Variants in DPP6 observed in about 807,000 individuals in gnomAD.
DPP6 encodes dipeptidyl peptidase like 6, also known as A-type potassium channel modulatory protein DPP6.
A neutral mutation model predicts 122.6 loss-of-function variants in DPP6; 69 were observed. That is an observed-to-expected ratio of 0.56 (90% confidence interval 0.46 to 0.69). DPP6 has a LOEUF of 0.69. DPP6 is among the 30% of genes least tolerant of loss of function. The pLI, the probability that DPP6 is intolerant of heterozygous loss-of-function variation, is 0.00. For synonymous variants in DPP6, 418 were observed against 433.1 expected (o/e 0.97, Z 0.43); for missense variants, 928 against 1,116.9 (o/e 0.83, Z 2.41).
chr7:153,815,443 G>A, the DPP6 span, among the ~76,000 whole-genome samples: 1 of 152,036 alleles, frequency 6.6e-6, no homozygotes. Flanking sequence ...ATGTATACAT[G>A]TGCCATGTTG....
At chr7:153,775,701 T>C in the DPP6 span, among the ~76,000 whole-genome samples, 1 of 152,106 alleles carries the variant, frequency 6.6e-6, no homozygotes. Flanking sequence ...CCACAAAACA[T>C]GTTCTAGAAC....
chr7:154,230,385 A>C (rs1362625163), intron 1 of DPP6, among the ~76,000 whole-genome samples: 1 of 152,214 alleles, frequency 6.6e-6, no homozygotes, highest in Non-Finnish European at 1.5e-5. Flanking sequence ...ATTAGAGATG[A>C]GTTTCTCTTG....
At chr7:154,396,686 C>A (rs778170803) in intron 1 of DPP6, among the ~76,000 whole-genome samples, 1 of 152,200 alleles carries the variant, frequency 6.6e-6, no homozygotes, top group Non-Finnish European at 1.5e-5. Flanking sequence ...CTCGGCCAGG[C>A]ACAGTGGCTC....
intron 4 of DPP6, among the ~76,000 whole-genome samples, chr7:154,543,698 G>T (rs1407639620): frequency 2.0e-5 from 3 of 152,064 alleles, no homozygotes; most frequent in Non-Finnish European, 4.4e-5. Flanking sequence ...AAACACTTTA[G>T]ATTGTTGAGT....
intron 1 of DPP6, among the ~76,000 whole-genome samples, chr7:154,063,896 G>A (rs1430368411): frequency 2.6e-5 from 4 of 151,562 alleles, no homozygotes; most frequent in African/African-American, 9.7e-5. Context: ...ATCATGTCAG[G>A]AGCTGATACT....
At chr7:154,683,843 T>C (rs1839434083) in intron 7 of DPP6, among the ~76,000 whole-genome samples, 2 of 152,180 alleles carry the variant, frequency 1.3e-5, no homozygotes, top group African/African-American at 4.8e-5. Flanking sequence ...GTATTTGCTA[T>C]TCACAAAGTC....
rs186460113 is a variant in DPP6, at chr7:154,259,799, G to A, written c.244-186415G>A. Among the ~76,000 whole-genome samples, 9 of 152,236 alleles carry A rather than the reference G, an allele frequency of 5.9e-5. No individual in the cohort carries two copies. The East Asian group carries it at 1.5e-3, about 26-fold the overall frequency. ...CAATAATATTTATTGAGTTTCTGTT[G>A]TATGCCAAACGCGTTCACAACTGTG... On this transcript the variant is annotated intron_variant, in intron 1 of 25. Coordinates refer to ENST00000377770, the MANE Select transcript of DPP6 (RefSeq NM_130797.4).
chr7:154,391,310 C>T (rs1227200818), intron 1 of DPP6, among the ~76,000 whole-genome samples: 1 of 151,228 alleles, frequency 6.6e-6, no homozygotes, highest in African/African-American at 2.4e-5. Context: ...TAATTTCCAC[C>T]GATGCCCCTG....
chr7:154,827,073 G>A (rs1318698920), intron 16 of DPP6, among the ~76,000 whole-genome samples: 4 of 151,832 alleles, frequency 2.6e-5, no homozygotes, highest in African/African-American at 7.3e-5. Flanking sequence ...TTTAAGCTAC[G>A]TTGACAAGAA....
rs1487007447 is a variant in DPP6 at position 154,807,070 on chromosome 7, T to C, written c.1624T>C (p.Ser542Pro). The change falls in exon 16 of 26, where the codon TCC (serine) becomes CCC (proline). Residue 542 changes from serine to proline, a missense_variant. Coordinates refer to ENST00000377770, the MANE Select transcript of DPP6 (RefSeq NM_130797.4). ...TGAGAACTGCACCTACTTCAGCGCTTCCTTCAGCCATAGCATGGACTTCTT... is the reference window on the plus strand; with the variant it reads ...TGAGAACTGCACCTACTTCAGCGCTCCCTTCAGCCATAGCATGGACTTCTT... ...LVENCTYFSA[S>P]FSHSMDFFLL... 6.2e-7 allele frequency: 1 copy of C among 1,613,666 alleles called. No homozygotes were observed. Among genetic ancestry groups the C allele is most frequent in the African/African-American group, 1.3e-5 (1 of 74,928 alleles).
At chr7:154,294,258 G>C (rs903766891) in intron 1 of DPP6, among the ~76,000 whole-genome samples, 2 of 152,148 alleles carry the variant, frequency 1.3e-5, no homozygotes, top group Non-Finnish European at 2.9e-5. Flanking sequence ...ATTTGCACGG[G>C]GCACTAAAGG....
intron 1 of DPP6, among the ~76,000 whole-genome samples, chr7:153,941,471 C>T: frequency 6.6e-6 from 1 of 152,146 alleles, no homozygotes; most frequent in Non-Finnish European, 1.5e-5. Flanking sequence ...TCCCAGTAGT[C>T]CAGGCCTGGA....
intron 1 of DPP6, among the ~76,000 whole-genome samples, chr7:154,181,065 G>C (rs952326563): frequency 6.6e-6 from 1 of 152,090 alleles, no homozygotes; most frequent in Non-Finnish European, 1.5e-5. Context: ...CTTAACTTGC[G>C]ACTTCTCTTA....
chr7:153,880,160 T>C, the DPP6 span, among the ~76,000 whole-genome samples: 1 of 152,226 alleles, frequency 6.6e-6, no homozygotes, highest in Non-Finnish European at 1.5e-5. Flanking sequence ...TACATATAAG[T>C]TCTATCATAA....
chr7:154,427,610 A>G (rs186633750), intron 1 of DPP6, among the ~76,000 whole-genome samples: 2 of 152,328 alleles, frequency 1.3e-5, no homozygotes. Context: ...TTCACCAATA[A>G]CTGAATAGAT....
chr7:154,216,781 A>G (rs2150819932), intron 1 of DPP6, among the ~76,000 whole-genome samples: 1 of 150,882 alleles, frequency 6.6e-6, no homozygotes, highest in Non-Finnish European at 1.5e-5. Context: ...GGACTTTACA[A>G]GTTCGTTATT....
intron 3 of DPP6, among the ~76,000 whole-genome samples, chr7:154,517,555 T>TGTTTCTG (rs980494635): frequency 2.6e-5 from 4 of 152,154 alleles, no homozygotes; most frequent in Admixed American, 6.6e-5. Flanking sequence ...CACACGCAGT[T>TGTTTCTG]GTTTCTGTAC....
intron 16 of DPP6, among the ~76,000 whole-genome samples, chr7:154,843,498 TC>T: frequency 6.6e-6 from 1 of 152,324 alleles, no homozygotes; most frequent in African/African-American, 2.4e-5. Context: ...TCTGCTTCCA[TC>T]CTTTCCCATG....
the DPP6 span, among the ~76,000 whole-genome samples, chr7:153,877,341 T>G: frequency 6.6e-6 from 1 of 152,186 alleles, no homozygotes; most frequent in Admixed American, 6.5e-5. Flanking sequence ...CATTTGTTAC[T>G]TTTTAAACTT....
Sources: gnomAD v4.1 joint callset for allele counts (sites outside exome capture counted in the v4.1 genomes callset) on GRCh38, gnomAD v4.1.1 for gene constraint, MANE v1.5 for transcripts, NCBI Gene and HGNC (gene_info 2026-07-23, HGNC 2026-07-21) for gene names.